ANKRD16: variants seen among roughly 807,000 people sequenced by gnomAD.
ANKRD16 encodes the protein ankyrin repeat domain-containing protein 16.
ANKRD16 carries 35 observed loss-of-function variants against 37.9 expected under a neutral mutation model. That is an observed-to-expected ratio of 0.92 (90% CI 0.71 to 1.23). The LOEUF is 1.23. Ranked by LOEUF, ANKRD16 falls within the 50% of genes most tolerant of loss-of-function variation. The pLI is 0.00. For missense variants in ANKRD16, 480 were observed against 469.9 expected, an observed-to-expected ratio of 1.02 and a Z score of -0.20; for synonymous variants, 206 against 197.2, an observed-to-expected ratio of 1.04 and a Z score of -0.37.
intron 7 of ANKRD16, among the ~76,000 whole-genome samples, chr10:5,873,666 T>A (rs1275418664): frequency 6.6e-6 from 1 of 152,112 alleles, no homozygotes; most frequent in East Asian, 1.9e-4. Flanking sequence ...ACGTCCTGGG[T>A]TAAATTAAAT....
rs58128948 is a variant in ANKRD16, at chr10:5,864,405, G to A, written c.*34-1714C>T. Among the ~76,000 whole-genome samples, 6,927 of 152,064 alleles carry A rather than the reference G, an allele frequency of 0.046. 474 individuals carry two copies. Among genetic ancestry groups the A allele is most frequent in the African/African-American group, 0.15 (6,121 of 41,416 alleles). ...TGGGGAGGGGAATTTGGCCCAACCC[G>A]GGTACATGTCCCCTTCTCCTTCTCT... is the stretch of plus-strand genomic sequence containing the variant. On this transcript the variant is annotated intron_variant, in intron 7 of 7. Transcript: ENST00000380094. This position sits in a 1 kb window ranked among gnomAD's most constrained non-coding sequence, Gnocchi z 4.4.
In ANKRD16 at chr10:5,889,366, G is replaced by A. The variant is rs1842550032; in HGVS notation, c.-12C>T. On this transcript the variant is annotated 5_prime_UTR_variant, in exon 1 of 8. Coordinates refer to ENST00000380094, the MANE Select transcript of ANKRD16 (RefSeq NM_019046.3). ...CCGGGCTGGGCCATCGCCGCGGGTC[G>A]GGCCGGGCTGCGCGGGGAGGCGGCG... 8.3e-7 allele frequency: 1 copy of A among 1,208,574 alleles called. No homozygotes were observed. Among genetic ancestry groups the A allele is most frequent in the Non-Finnish European group, 1.0e-6 (1 of 975,044 alleles). The allele number at this position is 1,208,574 out of a possible 1,614,324, so 74.9% of individuals were successfully genotyped here. A position where few individuals can be genotyped will look rare whatever the true frequency, so the allele number is the denominator to read the frequency against.
intron 7 of ANKRD16, among the ~76,000 whole-genome samples, chr10:5,867,397 G>A (rs1314919409): frequency 6.6e-6 from 1 of 152,188 alleles, no homozygotes; most frequent in Non-Finnish European, 1.5e-5. Context: ...TAGGAAAATT[G>A]CCTAATAATT....
chr10:5,883,304 T>C (rs1842351522), intron 4 of ANKRD16, 137 bp from the exon 5 acceptor site: 6 of 907,692 alleles, frequency 6.6e-6, no homozygotes, highest in Admixed American at 3.0e-5. Context: ...GTGGCTTTTG[T>C]CTGATTTTCA....
chr10:5,862,623 T>A lies in ANKRD16; in HGVS notation c.*102A>T. On this transcript the variant is annotated 3_prime_UTR_variant, in exon 8 of 8. Coordinates refer to ENST00000380094, the MANE Select transcript of ANKRD16 (RefSeq NM_019046.3). This position sits in a 1 kb window ranked among gnomAD's most constrained non-coding sequence, Gnocchi z 6.5. ...CGGTTGGTTGAACTCAGGTTCAGGA[T>A]GACTGAAGCAAGTTGCACTTGGCTT... 1 of 1,289,392 alleles carries A rather than the reference T, an allele frequency of 7.8e-7. No individual in the cohort carries two copies. Among genetic ancestry groups the A allele is most frequent in the Non-Finnish European group, 1.0e-6 (1 of 988,858 alleles). The allele number at this position is 1,289,392 out of a possible 1,614,324, so 79.9% of individuals were successfully genotyped here.
intron 3 of ANKRD16, among the ~76,000 whole-genome samples, chr10:5,884,523 G>A (rs1842381698): frequency 6.6e-6 from 1 of 152,128 alleles, no homozygotes; most frequent in Non-Finnish European, 1.5e-5. Flanking sequence ...CTGAGGTCAG[G>A]AGTTCAAGAC....
Position 5,861,897 on chromosome 10 carries a change from C to CTTTTTTTT in ANKRD16, c.*820_*827dup. ...ACAGACTGGGCAGGCCCCAGGAATT[C>CTTTTTTTT]TTTTTTTTTTTTTTTTTTTTTGGAG... On this transcript the variant is annotated 3_prime_UTR_variant, in exon 8 of 8. Transcript: ENST00000380094. 7.7e-6 allele frequency: 1 copy of CTTTTTTTT among 129,964 alleles called. No individual in the cohort carries two copies. Among genetic ancestry groups the CTTTTTTTT allele is most frequent in the Non-Finnish European group, 1.6e-5 (1 of 61,922 alleles). 8.1% of individuals were successfully genotyped at this position (129,964 alleles called of 1,614,324 possible). A position where few individuals can be genotyped will look rare whatever the true frequency, so the allele number is the denominator to read the frequency against.
chr10:5,885,510 T>TA (rs1842408276), intron 3 of ANKRD16, among the ~76,000 whole-genome samples: 1 of 152,166 alleles, frequency 6.6e-6, no homozygotes, highest in South Asian at 2.1e-4. Flanking sequence ...TTGAAAAAAA[T>TA]AGAGAAATGG....
Position 5,862,920 on chromosome 10 carries a change from C to T in ANKRD16, c.*34-229G>A, listed in dbSNP as rs1275435142. 3.3e-5 allele frequency among the ~76,000 whole-genome samples: 5 copies of T among 152,244 alleles called. No individual in the cohort carries two copies. The South Asian group carries it at 1.0e-3, about 32-fold the overall frequency. On this transcript the variant is annotated intron_variant, in intron 7 of 7. Transcript: ENST00000380094. The surrounding 1 kb of genome is among the most constrained non-coding windows in gnomAD (Gnocchi z 6.5). Reference sequence around the variant, plus strand: ...AAGCTGTGTGTTTTGGGCATTTCCCCTGTACCAGACACTGTGCTAAATGAC... The same window carrying T: ...AAGCTGTGTGTTTTGGGCATTTCCCTTGTACCAGACACTGTGCTAAATGAC...
rs1842232160 is a variant in ANKRD16, at chr10:5,878,904, G to A, written c.929-617C>T. Among the ~76,000 whole-genome samples the A allele has an allele frequency of 6.6e-6, 1 of 152,100 alleles. No homozygotes were observed. The highest frequency in any genetic ancestry group is 1.5e-5 in the Non-Finnish European group (1 of 68,018). ...AATGCTCTGGAAACACACTTTAAAT[G>A]GTACAAAAAACTTTCTAAAAGGCTT... On this transcript the variant is annotated intron_variant, in intron 6 of 7. Coordinates refer to ENST00000380094, the MANE Select transcript of ANKRD16 (RefSeq NM_019046.3). This position sits in a 1 kb window ranked among gnomAD's most constrained non-coding sequence, Gnocchi z 5.1.
At chr10:5,885,277 T>C (rs647945) in intron 3 of ANKRD16, among the ~76,000 whole-genome samples, 51,826 of 152,006 alleles carry the variant, frequency 0.34, 10,464 homozygotes, top group East Asian at 0.68. Context: ...GCCTCTTGGG[T>C]TCACGCCATT....
intron 2 of ANKRD16, among the ~76,000 whole-genome samples, chr10:5,886,212 A>C (rs1314268980): frequency 6.6e-5 from 10 of 152,256 alleles, no homozygotes; most frequent in Admixed American, 6.5e-4. Context: ...TGGAGTGCTG[A>C]TTGTTTCTCC....
Position 5,865,932 on chromosome 10 carries a change from T to C in ANKRD16, c.*34-3241A>G, listed in dbSNP as rs575283682. 6.6e-5 allele frequency among the ~76,000 whole-genome samples: 10 copies of C among 152,324 alleles called. No homozygotes were observed. The South Asian group carries it at 1.2e-3, about 19-fold the overall frequency. ...CTCTTGGGGTCCTTACTCAGACTCA[T>C]GGGACAACCCCACAACCAGTGGCAT... On this transcript the variant is annotated intron_variant, in intron 7 of 7. Coordinates refer to ENST00000380094, the MANE Select transcript of ANKRD16 (RefSeq NM_019046.3). This position sits in a 1 kb window ranked among gnomAD's most constrained non-coding sequence, Gnocchi z 4.7.
chr10:5,881,438 T>TTATAAATATAAA (rs1422263395), intron 5 of ANKRD16, among the ~76,000 whole-genome samples: 2 of 51,024 alleles, frequency 3.9e-5, no homozygotes, highest in African/African-American at 1.5e-4. Flanking sequence ...AAAATATTAT[T>TTATAAATATAAA]TATATATATA....
rs747373829 is a variant in ANKRD16 at position 5,865,090 on chromosome 10, C to T, written c.*34-2399G>A. ...CAAGAGGAACAGGCTGAAAAGGAAA[C>T]GTTAGATCAGAGAAAGGCTGCAGCC... On this transcript the variant is annotated intron_variant, in intron 7 of 7. Coordinates refer to ENST00000380094, the MANE Select transcript of ANKRD16 (RefSeq NM_019046.3). The surrounding 1 kb of genome is among the most constrained non-coding windows in gnomAD (Gnocchi z 4.7). Among the ~76,000 whole-genome samples the T allele has an allele frequency of 3.3e-5, 5 of 152,094 alleles. No individual in the cohort carries two copies. The highest frequency in any genetic ancestry group is 2.1e-4 in the South Asian group (1 of 4,820).
rs1662653114 is a variant in ANKRD16 at position 5,870,527 on chromosome 10, C to T, written c.*33+7570G>A. On this transcript the variant is annotated intron_variant, in intron 7 of 7. Transcript: ENST00000380094. This position sits in a 1 kb window ranked among gnomAD's most constrained non-coding sequence, Gnocchi z 5.0. ...CAAGGAATTCTCCCACCTCAGCTTC[C>T]TTGGTAGCTGGGACTACAGGCACAC... 6.6e-6 allele frequency among the ~76,000 whole-genome samples: 1 copy of T among 152,022 alleles called. No homozygotes were observed. Among genetic ancestry groups the T allele is most frequent in the Admixed American group, 6.6e-5 (1 of 15,260 alleles).
At chr10:5,888,283 T>C (rs565372828) in intron 1 of ANKRD16, among the ~76,000 whole-genome samples, 1 of 152,290 alleles carries the variant, frequency 6.6e-6, no homozygotes, top group Admixed American at 6.5e-5. Flanking sequence ...AACGAACGTG[T>C]ACCTAGAGGA....
intron 1 of ANKRD16, 104 bp from the exon 2 acceptor site, chr10:5,888,171 T>C: frequency 9.1e-7 from 1 of 1,097,318 alleles, no homozygotes; most frequent in Non-Finnish European, 1.3e-6. Context: ...ATGGAAAACC[T>C]AGAGGATTCA....
chr10:5,875,643 A>G (rs1589018304), intron 7 of ANKRD16, among the ~76,000 whole-genome samples: 1 of 151,918 alleles, frequency 6.6e-6, no homozygotes, highest in Non-Finnish European at 1.5e-5. Flanking sequence ...AGCATTCTTC[A>G]TATATTATTG....
Sources: gnomAD v4.1 joint callset for allele counts (sites outside exome capture counted in the v4.1 genomes callset) on GRCh38, gnomAD v4.1.1 for gene constraint, Gnocchi (gnomAD v3.1) non-coding constraint, MANE v1.5 for transcripts, NCBI Gene and HGNC (gene_info 2026-07-23, HGNC 2026-07-21) for gene names.